SDK1: variants seen among roughly 807,000 people sequenced by gnomAD.
SDK1 encodes the protein sidekick cell adhesion molecule 1.
Under a neutral mutation model 245.5 loss-of-function variants are expected in SDK1, and 157 were observed. The observed-to-expected ratio is 0.64, with a 90% CI of 0.56 to 0.73. The LOEUF (loss-of-function observed/expected upper bound fraction) is 0.73, where lower values mean the gene tolerates loss of function less well. Ranked by LOEUF, SDK1 falls within the 30% of genes least tolerant of loss-of-function variation. The pLI, the probability that SDK1 is intolerant of heterozygous loss-of-function variation, is 0.00. For missense variants in SDK1, 3,583 were observed against 3,002.3 expected (o/e 1.19, Z -4.52); for synonymous variants, 1,647 against 1,278.5 (o/e 1.29, Z -6.15).
At chr7:3,973,612 T>C (rs531828376) in intron 12 of SDK1, among the ~76,000 whole-genome samples, 1 of 152,024 alleles carries the variant, frequency 6.6e-6, no homozygotes, top group Admixed American at 6.6e-5. Context: ...ACTCTGTAGA[T>C]TTTTTTTAAA....
intron 11 of SDK1, among the ~76,000 whole-genome samples, chr7:3,970,684 G>A (rs1782423966): frequency 6.6e-6 from 1 of 152,224 alleles, no homozygotes; most frequent in Non-Finnish European, 1.5e-5. Context: ...TAACGCTTTG[G>A]TGGCTTTACA....
At chr7:3,960,639 A>G (rs1781601759) in intron 8 of SDK1, among the ~76,000 whole-genome samples, 1 of 152,194 alleles carries the variant, frequency 6.6e-6, no homozygotes, top group East Asian at 1.9e-4. Flanking sequence ...GACTTGGTTC[A>G]GTAGGAGTTC....
In SDK1 at chr7:4,049,364, G is replaced by T. The variant is rs146784103; in HGVS notation, c.2619G>T (p.Pro873=). The change falls in exon 18 of 45, where the codon CCG becomes CCT. Residue 873 remains proline (P), a synonymous_variant. Transcript: ENST00000404826. The part of the protein sequence containing the change: ...YTLQGVPTAP[P]QNVQTEAVNS... Reference sequence around the variant, plus strand: ...CTGCCACAGTGCCCACCGCGCCCCCGCAGAACGTGCAGACGGAAGCCGTGA... The same window carrying T: ...CTGCCACAGTGCCCACCGCGCCCCCTCAGAACGTGCAGACGGAAGCCGTGA... 2 of 1,613,936 alleles carry T rather than the reference G, an allele frequency of 1.2e-6. No homozygotes were observed. Among genetic ancestry groups the T allele is most frequent in the Admixed American group, 1.7e-5 (1 of 60,022 alleles).
At chr7:4,148,840 G>T (rs528977741) in intron 29 of SDK1, among the ~76,000 whole-genome samples, 71 of 152,278 alleles carry the variant, frequency 4.7e-4, no homozygotes, top group Admixed American at 1.2e-3. Flanking sequence ...GGCGGATCAC[G>T]AGGTCAAGAG....
intron 5 of SDK1, among the ~76,000 whole-genome samples, chr7:3,862,264 G>A (rs1386615818): frequency 6.6e-6 from 1 of 152,180 alleles, no homozygotes; most frequent in African/African-American, 2.4e-5. Context: ...CAGAATGTCT[G>A]GGGGAGGAAG....
At chr7:4,234,791 T>C (rs1786044194) in intron 41 of SDK1, among the ~76,000 whole-genome samples, 2 of 152,134 alleles carry the variant, frequency 1.3e-5, no homozygotes, top group African/African-American at 2.4e-5. Flanking sequence ...GCCAGGGCGC[T>C]GGGGGGTTCA....
At chr7:3,811,380 G>A (rs1251723259) in intron 4 of SDK1, among the ~76,000 whole-genome samples, 1 of 152,172 alleles carries the variant, frequency 6.6e-6, no homozygotes, top group Non-Finnish European at 1.5e-5. Flanking sequence ...CCTGTCAACT[G>A]TGATCATCTT....
chr7:3,558,051 T>A (rs1012402155), intron 1 of SDK1, among the ~76,000 whole-genome samples: 24 of 148,170 alleles, frequency 1.6e-4, no homozygotes, highest in African/African-American at 6.0e-4. Context: ...CCCTTAAGTA[T>A]TCACAGTTAT....
intron 19 of SDK1, among the ~76,000 whole-genome samples, chr7:4,061,322 C>CAGTG (rs1779525228): frequency 6.6e-6 from 1 of 152,100 alleles, no homozygotes; most frequent in African/African-American, 2.4e-5. Flanking sequence ...TTTCATTGAG[C>CAGTG]AGTGGTTTGT....
At chr7:3,574,561 C>G (rs1780224641) in intron 1 of SDK1, among the ~76,000 whole-genome samples, 1 of 152,094 alleles carries the variant, frequency 6.6e-6, no homozygotes, top group South Asian at 2.1e-4. Context: ...GGCCTCCCCA[C>G]TATGCCCTTG....
chr7:3,605,979 A>T (rs1256130983), intron 1 of SDK1, among the ~76,000 whole-genome samples: 1 of 152,154 alleles, frequency 6.6e-6, no homozygotes, highest in African/African-American at 2.4e-5. Context: ...CTTTTGAAAG[A>T]TATTAATTTC....
intron 1 of SDK1, among the ~76,000 whole-genome samples, chr7:3,606,389 T>C (rs1781426507): frequency 6.6e-6 from 1 of 152,214 alleles, no homozygotes; most frequent in Admixed American, 6.5e-5. Flanking sequence ...GCATCAGGGT[T>C]GAGTGCGGAG....
At chr7:3,956,132 C>T (rs2128127337) in intron 7 of SDK1, among the ~76,000 whole-genome samples, 1 of 152,278 alleles carries the variant, frequency 6.6e-6, no homozygotes, top group African/African-American at 2.4e-5. Flanking sequence ...TTCAGAAGTC[C>T]AGGGTGGACC....
intron 35 of SDK1, among the ~76,000 whole-genome samples, chr7:4,202,487 G>C (rs1190572632): frequency 6.6e-6 from 1 of 152,218 alleles, no homozygotes; most frequent in Non-Finnish European, 1.5e-5. Context: ...TGACTCTCCA[G>C]AAAGTGAGTT....
chr7:3,638,629 T>A (rs1319803271), intron 2 of SDK1, among the ~76,000 whole-genome samples: 2 of 99,562 alleles, frequency 2.0e-5, no homozygotes, highest in Non-Finnish European at 3.8e-5. Flanking sequence ...CACCGGGGCC[T>A]GTTGTGGGGT....
At chr7:3,837,042 G>T (rs1023743231) in intron 5 of SDK1, among the ~76,000 whole-genome samples, 1 of 152,130 alleles carries the variant, frequency 6.6e-6, no homozygotes, top group African/African-American at 2.4e-5. Flanking sequence ...CTGTCCTCTT[G>T]TGTTAGAGAC....
At chr7:3,930,636 C>A (rs1315929721) in intron 5 of SDK1, among the ~76,000 whole-genome samples, 1 of 151,908 alleles carries the variant, frequency 6.6e-6, no homozygotes, top group Non-Finnish European at 1.5e-5. Context: ...GGACAAAATA[C>A]AAAAAAATTA....
intron 35 of SDK1, among the ~76,000 whole-genome samples, chr7:4,205,041 C>G (rs149299322): frequency 1.3e-5 from 1 of 76,154 alleles, no homozygotes; most frequent in Admixed American, 1.0e-4. Context: ...CCTCATGTGT[C>G]CTTTGGTTTG....
intron 1 of SDK1, among the ~76,000 whole-genome samples, chr7:3,425,386 T>G (rs186760383): frequency 5.3e-5 from 8 of 152,340 alleles, no homozygotes; most frequent in Non-Finnish European, 7.3e-5. Context: ...GGGAGATTGA[T>G]TTCTGAGTAA....
Sources: gnomAD v4.1 joint callset for allele counts (sites outside exome capture counted in the v4.1 genomes callset) on GRCh38, gnomAD v4.1.1 for gene constraint, MANE v1.5 for transcripts, NCBI Gene and HGNC (gene_info 2026-07-23, HGNC 2026-07-21) for gene names.